Variants in EYS observed in about 807,000 individuals in gnomAD.
The protein encoded by EYS is protein eyes shut homolog.
In EYS, 250 loss-of-function variants were observed where a neutral mutation model predicts 282.1. The observed-to-expected ratio is 0.89, with a 90% CI of 0.80 to 0.98. The LOEUF is 0.98. EYS is among the 50% of genes least tolerant of loss of function. The pLI is 0.00. For missense variants in EYS, 4,016 were observed against 3,709.0 expected (o/e 1.08, Z -2.15); for synonymous variants, 1,355 against 1,282.9 (o/e 1.06, Z -1.20).
At chr6:64,175,697 G>C (rs896721247) in intron 31 of EYS, among the ~76,000 whole-genome samples, 2 of 152,120 alleles carry the variant, frequency 1.3e-5, no homozygotes, top group African/African-American at 4.8e-5. Context: ...GCACAGGATG[G>C]GCATGAGGTA....
At chr6:64,144,778 T>C (rs562356921) in intron 31 of EYS, among the ~76,000 whole-genome samples, 22 of 152,266 alleles carry the variant, frequency 1.4e-4, no homozygotes, top group African/African-American at 5.1e-4. Flanking sequence ...GAAACACATA[T>C]GGTCCCATGA....
chr6:65,440,368 A>T (rs2150391553), intron 5 of EYS, among the ~76,000 whole-genome samples: 1 of 141,690 alleles, frequency 7.1e-6, no homozygotes, highest in East Asian at 2.1e-4. Flanking sequence ...GTTTATAAAC[A>T]ACCTTCAATA....
At chr6:65,672,938 G>T (rs1582587575) in intron 1 of EYS, among the ~76,000 whole-genome samples, 1 of 152,016 alleles carries the variant, frequency 6.6e-6, no homozygotes, top group African/African-American at 2.4e-5. Flanking sequence ...GTCAAAGGGG[G>T]TTGCTCTCTG....
At chr6:64,685,154 G>A (rs1471793236) in intron 22 of EYS, among the ~76,000 whole-genome samples, 1 of 152,008 alleles carries the variant, frequency 6.6e-6, no homozygotes, top group Non-Finnish European at 1.5e-5. Context: ...AAAAAGTCAA[G>A]ATGGGAAACA....
chr6:64,676,859 C>G (rs187027210), intron 22 of EYS, among the ~76,000 whole-genome samples: 1 of 152,116 alleles, frequency 6.6e-6, no homozygotes, highest in Non-Finnish European at 1.5e-5. Flanking sequence ...GCTCTCAAGA[C>G]CTAATCATCT....
intron 26 of EYS, among the ~76,000 whole-genome samples, chr6:64,451,906 T>C (rs1433650330): frequency 1.3e-5 from 2 of 152,198 alleles, no homozygotes; most frequent in African/African-American, 4.8e-5. Flanking sequence ...AATATCATAC[T>C]GAATGGACAA....
chr6:64,260,671 T>G (rs2150352814), intron 30 of EYS, among the ~76,000 whole-genome samples: 1 of 152,172 alleles, frequency 6.6e-6, no homozygotes, highest in East Asian at 1.9e-4. Context: ...TTCAGACAGG[T>G]TTTGCATTAT....
At chr6:64,712,658 T>G (rs1771251587) in intron 22 of EYS, among the ~76,000 whole-genome samples, 1 of 152,236 alleles carries the variant, frequency 6.6e-6, no homozygotes, top group South Asian at 2.1e-4. Flanking sequence ...CAAATGTTCT[T>G]GCACCAAAAA....
intron 12 of EYS, among the ~76,000 whole-genome samples, chr6:65,280,599 A>G (rs981919188): frequency 3.3e-5 from 5 of 151,994 alleles, no homozygotes; most frequent in Admixed American, 2.6e-4. Flanking sequence ...AATATTTGTA[A>G]GTTACTTTTA....
At chr6:63,722,334 A>G (rs1456041648) in intron 42 of EYS, among the ~76,000 whole-genome samples, 3 of 152,108 alleles carry the variant, frequency 2.0e-5, no homozygotes, top group African/African-American at 4.8e-5. Flanking sequence ...CCTGTCCTTC[A>G]GGTTTCAGAT....
At chr6:64,344,096 A>G (rs1182964945) in intron 29 of EYS, among the ~76,000 whole-genome samples, 2 of 152,182 alleles carry the variant, frequency 1.3e-5, no homozygotes, top group African/African-American at 4.8e-5. Flanking sequence ...GTCCAGGACA[A>G]GATGGATTCA....
chr6:63,966,897 CA>C (rs1766336947), intron 35 of EYS, among the ~76,000 whole-genome samples: 2 of 152,132 alleles, frequency 1.3e-5, no homozygotes, highest in East Asian at 3.9e-4. Flanking sequence ...GTGGGGGATA[CA>C]ATCCAGGACC....
At chr6:65,442,167 G>C (rs139260710) in intron 5 of EYS, among the ~76,000 whole-genome samples, 8 of 151,880 alleles carry the variant, frequency 5.3e-5, no homozygotes, top group Non-Finnish European at 1.2e-4. Context: ...CTAATAATTA[G>C]AGTTCTTCAT....
At chr6:64,413,987 C>A (rs1180694516) in intron 28 of EYS, among the ~76,000 whole-genome samples, 3 of 152,106 alleles carry the variant, frequency 2.0e-5, no homozygotes, top group Non-Finnish European at 4.4e-5. Flanking sequence ...CATCTCTGAA[C>A]CAGGAATTTT....
intron 5 of EYS, among the ~76,000 whole-genome samples, chr6:65,475,284 AT>A (rs1339331880): frequency 6.6e-6 from 1 of 152,166 alleles, no homozygotes; most frequent in Non-Finnish European, 1.5e-5. Flanking sequence ...GTTTTGGGTC[AT>A]AAAAACAAAC....
At chr6:63,971,019 GT>G (rs371089738) in intron 35 of EYS, among the ~76,000 whole-genome samples, 3 of 152,298 alleles carry the variant, frequency 2.0e-5, no homozygotes, top group African/African-American at 7.2e-5. Flanking sequence ...TATAAAAATG[GT>G]TAATGTCCAA....
At chr6:64,169,410 A>T (rs1392800616) in intron 31 of EYS, among the ~76,000 whole-genome samples, 1 of 145,896 alleles carries the variant, frequency 6.9e-6, no homozygotes, top group East Asian at 2.0e-4. Context: ...TCAATGACAT[A>T]CTCAAACAAT....
At chr6:63,870,532 A>AT (rs961822914) in intron 35 of EYS, among the ~76,000 whole-genome samples, 8 of 151,960 alleles carry the variant, frequency 5.3e-5, no homozygotes, top group East Asian at 3.9e-4. Context: ...TGAGAATTTA[A>AT]TTTTTTTTGC....
rs74616868 is a variant in EYS at position 63,897,166 on chromosome 6, A to G, written c.7056-32808T>C. Among the ~76,000 whole-genome samples the G allele has an allele frequency of 3.6e-3, 543 of 152,298 alleles. 6 individuals are homozygous for G. The highest frequency in any genetic ancestry group is 6.1e-3 in the Non-Finnish European group (416 of 68,026). On this transcript the variant is annotated intron_variant, in intron 35 of 42. Transcript: ENST00000503581. Reference sequence around the variant, plus strand: ...GTGTATATCCTTCCAATTACCTTCAATGACAAGTTTATTGAATATGTGAAC... The same window carrying G: ...GTGTATATCCTTCCAATTACCTTCAGTGACAAGTTTATTGAATATGTGAAC...
Sources: gnomAD v4.1 joint callset for allele counts (sites outside exome capture counted in the v4.1 genomes callset) on GRCh38, gnomAD v4.1.1 for gene constraint, MANE v1.5 for transcripts, NCBI Gene and HGNC (gene_info 2026-07-23, HGNC 2026-07-21) for gene names.